Variants in IGSF10 observed in about 807,000 individuals in gnomAD.
The protein encoded by IGSF10 is calvaria mechanical force protein 608.
A neutral mutation model predicts 128.2 loss-of-function variants in IGSF10; 126 were observed. The ratio of observed to expected loss-of-function variants is 0.98; its 90% CI spans 0.85 to 1.14. IGSF10 has a LOEUF of 1.14. IGSF10 is among the 50% of genes most tolerant of loss of function. IGSF10 has a pLI of 0.00. For synonymous variants in IGSF10, 1,185 were observed against 1,146.2 expected (o/e 1.03, Z -0.68); for missense variants, 3,295 against 3,149.8 (o/e 1.05, Z -1.10).
At chr3:151,613,405 C>T in the IGSF10 span, among the ~76,000 whole-genome samples, 66 of 152,214 alleles carry the variant, frequency 4.3e-4, no homozygotes, top group Non-Finnish European at 7.8e-4. Flanking sequence ...GGAGGCATCA[C>T]GCTACCTGAC....
the IGSF10 span, among the ~76,000 whole-genome samples, chr3:151,550,399 C>T: frequency 4.0e-5 from 6 of 151,854 alleles, no homozygotes; most frequent in East Asian, 7.7e-4. Flanking sequence ...TTCTTGTGTC[C>T]GGGCCAATAG....
At chr3:151,582,001 G>A in the IGSF10 span, among the ~76,000 whole-genome samples, 1 of 152,090 alleles carries the variant, frequency 6.6e-6, no homozygotes, top group Non-Finnish European at 1.5e-5. Flanking sequence ...GGGAGGCAGA[G>A]GTTGCAGTGT....
the IGSF10 span, among the ~76,000 whole-genome samples, chr3:151,498,778 T>C: frequency 6.6e-6 from 1 of 152,082 alleles, no homozygotes; most frequent in Non-Finnish European, 1.5e-5. Context: ...GTAGAATTTT[T>C]CCCCCATAAT....
At chr3:151,579,028 C>G in the IGSF10 span, among the ~76,000 whole-genome samples, 4 of 152,234 alleles carry the variant, frequency 2.6e-5, no homozygotes, top group South Asian at 2.1e-4. Context: ...GAAGGGAAAC[C>G]TTCTCTGAGG....
intron 5 of IGSF10, among the ~76,000 whole-genome samples, chr3:151,452,307 T>C (rs1367382855): frequency 6.6e-6 from 1 of 152,212 alleles, no homozygotes; most frequent in Non-Finnish European, 1.5e-5. Context: ...ACCTAGATAG[T>C]ATAGCCTACT....
At chr3:151,522,542 A>T in the IGSF10 span, among the ~76,000 whole-genome samples, 1 of 152,184 alleles carries the variant, frequency 6.6e-6, no homozygotes, top group African/African-American at 2.4e-5. Flanking sequence ...CAACATACAC[A>T]AATCAATAAA....
At chr3:151,513,437 T>C in the IGSF10 span, among the ~76,000 whole-genome samples, 1 of 152,138 alleles carries the variant, frequency 6.6e-6, no homozygotes. Context: ...GGCTAAAAAC[T>C]CTCAATAAGT....
downstream of IGSF10, chr3:151,435,896 A>G (rs930001089): frequency 6.6e-6 from 1 of 152,232 alleles, no homozygotes; most frequent in Non-Finnish European, 1.5e-5. Context: ...TGAAATGCTT[A>G]TAGAGCAACG....
chr3:151,446,224 TGAAA>T lies in IGSF10; in HGVS notation c.3753_3756del (p.His1251GlnfsTer8). On this transcript the variant is annotated frameshift_variant, in exon 6 of 8. Transcript: ENST00000282466. LOFTEE classifies it high-confidence loss of function. The stretch of plus-strand genomic sequence containing the variant: ...TGCATCACACTTGTTGAAAGTGTGG[TGAAA>T]TGGAAAGGGGAGACTTTGTCTCTGG... 6.2e-7 allele frequency: 1 copy of T among 1,613,536 alleles called. No homozygotes were observed. Among genetic ancestry groups the T allele is most frequent in the South Asian group, 1.1e-5 (1 of 91,032 alleles).
intron 2 of IGSF10, 64 bp downstream of exon 2, chr3:151,460,197 G>GA: frequency 2.7e-6 from 1 of 373,530 alleles, no homozygotes; most frequent in South Asian, 1.1e-4. Flanking sequence ...GACAACACAT[G>GA]AATAAGGGAT....
the IGSF10 span, among the ~76,000 whole-genome samples, chr3:151,554,009 A>T: frequency 6.6e-6 from 1 of 151,832 alleles, no homozygotes; most frequent in Non-Finnish European, 1.5e-5. Flanking sequence ...AGCCAGACAC[A>T]GTGGCGTACT....
chr3:151,556,719 G>A, the IGSF10 span, among the ~76,000 whole-genome samples: 2 of 152,058 alleles, frequency 1.3e-5, no homozygotes, highest in Non-Finnish European at 2.9e-5. Context: ...GGATGGTAGG[G>A]GAAATGGTAG....
rs371561405 is a variant in IGSF10, at chr3:151,443,669, C to T, written c.5278G>A (p.Gly1760Arg). The T allele has an allele frequency of 1.2e-5, 20 of 1,614,004 alleles. No individual in the cohort carries two copies. Among genetic ancestry groups the T allele is most frequent in the Middle Eastern group, 1.6e-4 (1 of 6,084 alleles). ...RRTKEITVHS[G>R]STVELKCRAE... Reference sequence around the variant, plus strand: ...CTGCACTTCAGTTCCACAGTGCTTCCGGAATGAACTGTGATCTCTTTGGTA... The same window carrying T: ...CTGCACTTCAGTTCCACAGTGCTTCTGGAATGAACTGTGATCTCTTTGGTA... The change falls in exon 7 of 8, where the codon GGA (glycine) becomes AGA (arginine). Residue 1760 changes from glycine to arginine, a missense_variant. Gly to Arg is a moderately radical substitution (Grantham distance 125, BLOSUM62 -2). Transcript: ENST00000282466.
chr3:151,438,797 GAGAT>G (rs963726796), intron 7 of IGSF10, among the ~76,000 whole-genome samples, 200 bp from the exon 8 acceptor site: 48 of 143,988 alleles, frequency 3.3e-4, no homozygotes, highest in African/African-American at 1.3e-3. Flanking sequence ...ACACATATTT[GAGAT>G]ATATATATAT....
Position 151,436,263 on chromosome 3 carries a change from T to TAA in IGSF10, c.*424_*425dup, listed in dbSNP as rs1720191699. On this transcript the variant is annotated 3_prime_UTR_variant, in exon 8 of 8. Transcript: ENST00000282466. ...ACAAAATATTTATACATCAGGATGG[T>TAA]AAATTTACATCATAAAGATTGCAGA... is the stretch of plus-strand genomic sequence containing the variant. The TAA allele has an allele frequency of 6.3e-6, 1 of 157,524 alleles. No homozygotes were observed. Among genetic ancestry groups the TAA allele is most frequent in the Non-Finnish European group, 1.4e-5 (1 of 71,130 alleles). The allele number at this position is 157,524 out of a possible 1,614,324, so 9.8% of individuals were successfully genotyped here.
At chr3:151,463,216 T>C (rs1722128401), upstream of IGSF10, among the ~76,000 whole-genome samples, 1 of 152,224 alleles carries the variant, frequency 6.6e-6, no homozygotes, top group Non-Finnish European at 1.5e-5. Context: ...TTTTCTACTT[T>C]TCATGTCATC....
At chr3:151,504,900 G>A in the IGSF10 span, among the ~76,000 whole-genome samples, 12 of 152,132 alleles carry the variant, frequency 7.9e-5, no homozygotes, top group African/African-American at 1.9e-4. Flanking sequence ...CATCTGAGAT[G>A]GCCTCAGCCT....
chr3:151,467,068 C>A, the IGSF10 span, among the ~76,000 whole-genome samples: 4 of 152,168 alleles, frequency 2.6e-5, no homozygotes, highest in South Asian at 4.2e-4. Flanking sequence ...CTAAATGAAT[C>A]AAAAATTAAC....
In IGSF10 at chr3:151,449,027, C is replaced by A; in HGVS notation, c.954G>T (p.Leu318Phe). ...GFMAPFGSLT[L>F]NMTDQSGNEA... is the part of the protein sequence containing the mutation. ...CATTTCCAGACTGATCTGTCATATTCAAAGTGAGGGAGCCAAAGGGTGCCA... is the reference window on the plus strand; with the variant it reads ...CATTTCCAGACTGATCTGTCATATTAAAAGTGAGGGAGCCAAAGGGTGCCA... The change falls in exon 6 of 8, where the codon TTG becomes TTT. Residue 318 changes from leucine (L) to phenylalanine (F), a missense_variant. Physicochemically the swap from Leu to Phe is conservative, Grantham distance 22. Coordinates refer to ENST00000282466, the MANE Select transcript of IGSF10 (RefSeq NM_178822.5). 1.9e-6 allele frequency: 3 copies of A among 1,614,150 alleles called. No individual in the cohort carries two copies. Among genetic ancestry groups the A allele is most frequent in the Non-Finnish European group, 2.5e-6 (3 of 1,180,042 alleles).
Sources: allele counts gnomAD v4.1 joint callset (sites outside exome capture counted in the v4.1 genomes callset), GRCh38; gene constraint gnomAD v4.1.1; transcripts MANE v1.5; gene names NCBI Gene and HGNC (gene_info 2026-07-23, HGNC 2026-07-21).